BFSP2: variants seen among roughly 807,000 people sequenced by gnomAD.
The protein encoded by BFSP2 is beaded filament structural protein 2, also known as phakinin.
In BFSP2, 38 loss-of-function variants were observed where a neutral mutation model predicts 44.9. The ratio of observed to expected loss-of-function variants is 0.85; its 90% CI spans 0.65 to 1.11. The LOEUF (loss-of-function observed/expected upper bound fraction) is 1.11, where lower values mean the gene tolerates loss of function less well. Among genes scored for constraint, BFSP2 ranks in the 50% least tolerant of loss-of-function variants. The pLI is 0.00. For synonymous variants in BFSP2, 197 were observed against 209.9 expected (o/e 0.94, Z 0.53); for missense variants, 525 against 533.0 (o/e 0.99, Z 0.15).
chr3:133,473,168 C>T (rs1179714329), intron 6 of BFSP2, among the ~76,000 whole-genome samples: 1 of 152,072 alleles, frequency 6.6e-6, no homozygotes. Flanking sequence ...TTCTAACAAG[C>T]TCCCAAGTGA....
At chr3:133,424,670 C>T (rs1559963650) in intron 1 of BFSP2, among the ~76,000 whole-genome samples, 1 of 152,212 alleles carries the variant, frequency 6.6e-6, no homozygotes, top group Non-Finnish European at 1.5e-5. Context: ...GAGTCTCACT[C>T]TGTCACCCAG....
At chr3:133,426,265 C>G (rs919305833) in intron 1 of BFSP2, among the ~76,000 whole-genome samples, 2 of 151,956 alleles carry the variant, frequency 1.3e-5, no homozygotes, top group African/African-American at 4.8e-5. Context: ...CCCTCACCCT[C>G]GCAGGCTGCC....
chr3:133,466,697 A>AAAAAAAAAAAAAAAT, intron 4 of BFSP2, 131 bp from the exon 5 acceptor site: 2 of 726,476 alleles, frequency 2.8e-6, no homozygotes, highest in Non-Finnish European at 2.2e-6. Context: ...AAAAAAAAAA[A>AAAAAAAAAAAAAAAT]GATGTTTCCA....
At chr3:133,435,613 G>A (rs984453608) in intron 1 of BFSP2, among the ~76,000 whole-genome samples, 2 of 152,160 alleles carry the variant, frequency 1.3e-5, no homozygotes, top group African/African-American at 2.4e-5. Context: ...TGGAAAGTTC[G>A]CTTAACTTTA....
rs59331608 is a variant in BFSP2 at position 133,466,677 on chromosome 3, C to CAA, written c.892-132_892-131dup. On this transcript the variant is annotated intron_variant, in intron 4 of 6. Transcript: ENST00000302334. The stretch of plus-strand genomic sequence containing the variant: ...GCTACAGAGCGAGACTTCATCTCAA[C>CAA]AAAAAAAAAAAAAAAAAAAAGATGT... 2.6e-3 allele frequency: 670 copies of CAA among 258,704 alleles called. 11 individuals carry two copies. Among genetic ancestry groups the CAA allele is most frequent in the Middle Eastern group, 8.6e-3 (6 of 694 alleles). The allele number at this position is 258,704 out of a possible 1,614,324, so 16.0% of individuals were successfully genotyped here. A position where few individuals can be genotyped will look rare whatever the true frequency, so the allele number is the denominator to read the frequency against.
At chr3:133,432,336 C>T (rs1023447852) in intron 1 of BFSP2, among the ~76,000 whole-genome samples, 4 of 152,196 alleles carry the variant, frequency 2.6e-5, no homozygotes, top group African/African-American at 9.7e-5. Context: ...CAATACCTTC[C>T]TCCACAACTC....
chr3:133,435,735 T>G (rs895434705), intron 1 of BFSP2, among the ~76,000 whole-genome samples: 12 of 152,226 alleles, frequency 7.9e-5, no homozygotes, highest in African/African-American at 2.9e-4. Context: ...ACAAGATGAA[T>G]TTTTCCCTTG....
chr3:133,473,502 G>A (rs1006269011), intron 6 of BFSP2, among the ~76,000 whole-genome samples: 5 of 145,922 alleles, frequency 3.4e-5, no homozygotes, highest in Non-Finnish European at 4.5e-5. Flanking sequence ...GGTGTTTCTC[G>A]CAGAGGGGGA....
At chr3:133,425,780 AAAGGGAAGGG>A (rs71136468) in intron 1 of BFSP2, among the ~76,000 whole-genome samples, 6 of 107,762 alleles carry the variant, frequency 5.6e-5, no homozygotes, top group African/African-American at 1.9e-4. Flanking sequence ...AGGGAAAGGG[AAAGGGAAGGG>A]AAGGGAAGGG....
intron 6 of BFSP2, among the ~76,000 whole-genome samples, chr3:133,473,859 G>T (rs1347853000): frequency 1.3e-5 from 2 of 152,192 alleles, no homozygotes; most frequent in Non-Finnish European, 1.5e-5. Context: ...GCTTTTTCTT[G>T]AATGATCCTC....
At chr3:133,460,192 G>A (rs909595984) in intron 4 of BFSP2, among the ~76,000 whole-genome samples, 2 of 152,174 alleles carry the variant, frequency 1.3e-5, no homozygotes, top group African/African-American at 2.4e-5. Context: ...CTAAGCACCC[G>A]ACAGGTACGT....
chr3:133,434,130 T>A (rs1197548305), intron 1 of BFSP2, among the ~76,000 whole-genome samples: 3 of 150,484 alleles, frequency 2.0e-5, no homozygotes, highest in Non-Finnish European at 3.0e-5. Context: ...ACTCTTGAAG[T>A]AAATAAATAA....
chr3:133,459,972 T>TA (rs2074047134), intron 4 of BFSP2, among the ~76,000 whole-genome samples: 1 of 152,180 alleles, frequency 6.6e-6, no homozygotes, highest in Non-Finnish European at 1.5e-5. Flanking sequence ...ATTCTAGGTG[T>TA]AAAAAGCTAT....
chr3:133,459,739 G>A (rs2074044943), intron 4 of BFSP2, among the ~76,000 whole-genome samples: 1 of 152,192 alleles, frequency 6.6e-6, no homozygotes, highest in Non-Finnish European at 1.5e-5. Context: ...GCTGAGGAAG[G>A]TCGGGAGTGT....
chr3:133,453,735 G>C (rs1366348268), intron 4 of BFSP2, among the ~76,000 whole-genome samples: 1 of 152,192 alleles, frequency 6.6e-6, no homozygotes, highest in Non-Finnish European at 1.5e-5. Flanking sequence ...ATCTGGCAGG[G>C]GGAACAGGAG....
intron 1 of BFSP2, chr3:133,412,240 A>C (rs2073461229): frequency 6.6e-6 from 1 of 152,242 alleles, no homozygotes. Flanking sequence ...GGGGTCCACT[A>C]TAACAGATTT....
At chr3:133,464,770 T>C (rs1446372149) in intron 4 of BFSP2, among the ~76,000 whole-genome samples, 1 of 152,154 alleles carries the variant, frequency 6.6e-6, no homozygotes, top group Non-Finnish European at 1.5e-5. Flanking sequence ...TGAGTATTAT[T>C]CTCCATTCAT....
At chr3:133,424,215 T>TA (rs879693047) in intron 1 of BFSP2, among the ~76,000 whole-genome samples, 1 of 80,114 alleles carries the variant, frequency 1.2e-5, no homozygotes, top group Admixed American at 1.1e-4. Flanking sequence ...CCAGCTAATT[T>TA]TTTTTTTTTT....
intron 1 of BFSP2, among the ~76,000 whole-genome samples, chr3:133,433,985 G>C (rs866014966): frequency 6.6e-6 from 1 of 152,150 alleles, no homozygotes; most frequent in South Asian, 2.1e-4. Flanking sequence ...CCTATCTTCT[G>C]TCTAATCATA....
Sources: allele counts gnomAD v4.1 joint callset (sites outside exome capture counted in the v4.1 genomes callset), GRCh38; gene constraint gnomAD v4.1.1; transcripts MANE v1.5; gene names NCBI Gene and HGNC (gene_info 2026-07-23, HGNC 2026-07-21).